Variants in SLC45A4 observed in about 807,000 individuals in gnomAD.
The protein encoded by SLC45A4 is polyamine-transporter SLC45A4.
In SLC45A4, 32 loss-of-function variants were observed where a neutral mutation model predicts 63.7. The ratio of observed to expected loss-of-function variants is 0.50; its 90% CI spans 0.38 to 0.67. SLC45A4 has a LOEUF of 0.67. SLC45A4 is among the 30% of genes least tolerant of loss of function. The probability of loss-of-function intolerance (pLI) is 0.00; values close to 1 mark genes in which losing one functional copy is unlikely to be tolerated. For missense variants in SLC45A4, 1,027 were observed against 1,157.7 expected, an observed-to-expected ratio of 0.89 and a Z score of 1.64; for synonymous variants, 535 against 510.0, an observed-to-expected ratio of 1.05 and a Z score of -0.66.
chr8:141,257,816 C>CCAG (rs1285866994), intron 1 of SLC45A4, among the ~76,000 whole-genome samples: 2 of 152,146 alleles, frequency 1.3e-5, no homozygotes, highest in African/African-American at 4.8e-5. Context: ...AGAACAGCCT[C>CCAG]CAGCAGAGAA....
rs368176500 is a variant in SLC45A4 at position 141,219,814 on chromosome 8, T to C, written c.446A>G (p.Asp149Gly). The change falls in exon 4 of 9, where the codon GAT becomes GGT. Residue 149 changes from aspartate to glycine, a missense_variant. Asp to Gly is a moderately conservative substitution (Grantham distance 94). Transcript: ENST00000517878. Reference protein sequence around the residue: ...NGSAIGLALGDVPNRQPIGIV... With the variant: ...NGSAIGLALGGVPNRQPIGIV... ...GCCAATGGGCTGCCGGTTGGGGACA[T>C]CGCCGAGGGCCAGACCTGCGCAGAG... 1 of 1,585,264 alleles carries C rather than the reference T, an allele frequency of 6.3e-7. No homozygotes were observed. The highest frequency in any genetic ancestry group is 1.3e-5 in the African/African-American group (1 of 74,242).
At chr8:141,251,316 T>C (rs932988044) in intron 2 of SLC45A4, among the ~76,000 whole-genome samples, 2 of 151,964 alleles carry the variant, frequency 1.3e-5, no homozygotes, top group Non-Finnish European at 2.9e-5. Flanking sequence ...CACAGCCAGG[T>C]CTCCCCTCCC....
chr8:141,230,825 G>C (rs1200547469), intron 2 of SLC45A4, among the ~76,000 whole-genome samples: 1 of 152,270 alleles, frequency 6.6e-6, no homozygotes, highest in African/African-American at 2.4e-5. Flanking sequence ...GCACAGGCGT[G>C]GTGAGTGCAT....
chr8:141,295,701 T>C (rs531106345), intron 1 of SLC45A4, among the ~76,000 whole-genome samples: 3 of 152,088 alleles, frequency 2.0e-5, no homozygotes, highest in Non-Finnish European at 4.4e-5. Context: ...GATTGACCAC[T>C]CGGAACCCAA....
chr8:141,218,679 C>T lies in SLC45A4; in HGVS notation c.961G>A (p.Glu321Lys), dbSNP rs771164002. 9 of 1,612,884 alleles carry T rather than the reference C, an allele frequency of 5.6e-6. No homozygotes were observed. The highest frequency in any genetic ancestry group is 6.8e-6 in the Non-Finnish European group (8 of 1,179,556). Residue 321 changes from glutamate to lysine, a missense_variant, in exon 5 of 9, where the codon GAG becomes AAG. Physicochemically the swap from Glu to Lys is moderately conservative, Grantham distance 56. Coordinates refer to ENST00000517878, the MANE Select transcript of SLC45A4 (RefSeq NM_001286646.2). ...TCGTGCAGGAACAGCAGCTCGGGCT[C>T]CAGGTCCAGCGCGGTGTCCGGCACG... ...LHVPDTALDL[E>K]PELLFLHDIE...
At chr8:141,252,011 C>T (rs1463299615) in intron 2 of SLC45A4, among the ~76,000 whole-genome samples, 2 of 144,606 alleles carry the variant, frequency 1.4e-5, no homozygotes, top group Non-Finnish European at 1.5e-5. Context: ...TGAGCGCTCA[C>T]GGAACAAGAA....
intron 5 of SLC45A4, 57 bp downstream of exon 5, chr8:141,217,942 CCCGTGAGCTTCT>C (rs1157286492): frequency 1.3e-6 from 2 of 1,497,682 alleles, no homozygotes; most frequent in Non-Finnish European, 1.8e-6. Flanking sequence ...CCCGGCCCAG[CCCGTGAGCTTCT>C]CCGTGAGCCG....
chr8:141,285,343 C>T (rs1830098670), intron 1 of SLC45A4, among the ~76,000 whole-genome samples: 4 of 152,378 alleles, frequency 2.6e-5, no homozygotes, highest in East Asian at 1.9e-4. Flanking sequence ...GACGGGGCCT[C>T]GCCTACGTTG....
At chr8:141,250,111 C>T (rs1828395395) in intron 2 of SLC45A4, among the ~76,000 whole-genome samples, 1 of 152,210 alleles carries the variant, frequency 6.6e-6, no homozygotes, top group Non-Finnish European at 1.5e-5. Context: ...ATGGAACAGA[C>T]ACCCCTACAA....
At chr8:141,295,533 T>C (rs1830512902) in intron 1 of SLC45A4, among the ~76,000 whole-genome samples, 1 of 152,196 alleles carries the variant, frequency 6.6e-6, no homozygotes, top group Non-Finnish European at 1.5e-5. Context: ...AAATCCCTTC[T>C]GCAATGACGT....
intron 1 of SLC45A4, among the ~76,000 whole-genome samples, chr8:141,263,769 CA>C (rs67335309): frequency 0.042 from 3,704 of 89,086 alleles, 182 homozygotes; most frequent in African/African-American, 0.13. Flanking sequence ...GACTCCGTCT[CA>C]AAAAAAAAAA....
Position 141,212,242 on chromosome 8 carries a change from G to A in SLC45A4, c.2256C>T (p.Leu752=), listed in dbSNP as rs1191475713. 6.4e-7 allele frequency: 1 copy of A among 1,565,296 alleles called. No homozygotes were observed. The highest frequency in any genetic ancestry group is 1.2e-5 in the South Asian group (1 of 84,392). The change falls in exon 8 of 9, where the codon CTC becomes CTT. Residue 752 remains leucine, a synonymous_variant. Coordinates refer to ENST00000517878, the MANE Select transcript of SLC45A4 (RefSeq NM_001286646.2). ...GTCCCTGCAGGCCCTCCTTCCGCGT[G>A]AGCTTCAGCACGGTGGGCTTTTCGC... ...GNSEKPTVLK[L]TRKEGLQGPV... is the part of the protein sequence containing the mutation.
chr8:141,222,218 G>A (rs947671904), intron 2 of SLC45A4, among the ~76,000 whole-genome samples: 7 of 152,274 alleles, frequency 4.6e-5, no homozygotes, highest in Non-Finnish European at 7.3e-5. Flanking sequence ...ACAAGAGCAG[G>A]ACGGTGACTG....
At chr8:141,266,093 T>A (rs781465272) in intron 1 of SLC45A4, among the ~76,000 whole-genome samples, 1 of 152,180 alleles carries the variant, frequency 6.6e-6, no homozygotes, top group Non-Finnish European at 1.5e-5. Context: ...TGGGTGAAAC[T>A]TTCAGATCTA....
intron 2 of SLC45A4, among the ~76,000 whole-genome samples, chr8:141,243,594 G>A (rs557236408): frequency 2.6e-5 from 4 of 152,278 alleles, no homozygotes; most frequent in East Asian, 1.9e-4. Context: ...GCAGTGAGCC[G>A]TAATCGCACC....
intron 3 of SLC45A4, among the ~76,000 whole-genome samples, chr8:141,220,853 C>A (rs903325893): frequency 3.3e-5 from 5 of 152,258 alleles, no homozygotes; most frequent in Admixed American, 1.3e-4. Flanking sequence ...TCTCGAGGGA[C>A]ACGGACAGGC....
intron 1 of SLC45A4, among the ~76,000 whole-genome samples, chr8:141,291,160 C>T (rs943643535): frequency 8.5e-5 from 13 of 152,148 alleles, no homozygotes; most frequent in Admixed American, 2.6e-4. Context: ...GCTGGAATTA[C>T]AGGCATGAGC....
chr8:141,212,996 G>C (rs1022258217), intron 7 of SLC45A4, among the ~76,000 whole-genome samples: 1 of 152,238 alleles, frequency 6.6e-6, no homozygotes, highest in African/African-American at 2.4e-5. Flanking sequence ...TGGACCCACG[G>C]AAAGAGTGAG....
chr8:141,241,712 C>T (rs532878489), intron 2 of SLC45A4, among the ~76,000 whole-genome samples: 1 of 152,258 alleles, frequency 6.6e-6, no homozygotes, highest in East Asian at 1.9e-4. Context: ...CCTTCACAGC[C>T]AGCCAGAGGT....
Sources: gnomAD v4.1 joint callset for allele counts (sites outside exome capture counted in the v4.1 genomes callset) on GRCh38, gnomAD v4.1.1 for gene constraint, MANE v1.5 for transcripts, NCBI Gene and HGNC (gene_info 2026-07-23, HGNC 2026-07-21) for gene names.